The following PAQR5 variants were observed in gnomAD, a reference collection of about 807,000 sequenced individuals.
PAQR5 encodes membrane progestin receptor gamma.
A neutral mutation model predicts 34.5 loss-of-function variants in PAQR5; 20 were observed. The observed-to-expected ratio is 0.58, with a 90% confidence interval of 0.41 to 0.84. PAQR5 has a LOEUF of 0.84. Among genes scored for constraint, PAQR5 ranks in the 40% least tolerant of loss-of-function variants. The pLI is 0.00. For synonymous variants in PAQR5, 131 were observed against 155.6 expected, an observed-to-expected ratio of 0.84 and a Z score of 1.18; for missense variants, 378 against 412.7, an observed-to-expected ratio of 0.92 and a Z score of 0.73.
intron 3 of PAQR5, among the ~76,000 whole-genome samples, chr15:69,361,810 A>G (rs1285437408): frequency 6.6e-6 from 1 of 152,150 alleles, no homozygotes; most frequent in Non-Finnish European, 1.5e-5. Flanking sequence ...GAGCCAAATT[A>G]TATCAGGGAG....
intron 2 of PAQR5, among the ~76,000 whole-genome samples, chr15:69,341,022 A>T (rs2054626508): frequency 6.6e-6 from 1 of 152,244 alleles, no homozygotes; most frequent in South Asian, 2.1e-4. Flanking sequence ...TACGTAACAT[A>T]AAATTTATCA....
chr15:69,380,788 C>A, intron 4 of PAQR5, among the ~76,000 whole-genome samples: 1 of 152,232 alleles, frequency 6.6e-6, no homozygotes, highest in African/African-American at 2.4e-5. Context: ...CAGACCACCA[C>A]TGGTCGATGT....
intron 2 of PAQR5, among the ~76,000 whole-genome samples, chr15:69,344,198 G>GTGAC (rs1190265077): frequency 7.2e-5 from 11 of 152,224 alleles, no homozygotes; most frequent in Non-Finnish European, 1.5e-4. Context: ...CATGGCTGAT[G>GTGAC]TGACGGCTGT....
chr15:69,352,526 T>A lies in PAQR5; in HGVS notation c.-115-7440T>A, dbSNP rs75996919. ...CCTTCTCTCTTCCAGCCTGCACCTA[T>A]GGCCTCATGGGAAATGCCCTATGAT... On this transcript the variant is annotated intron_variant, in intron 2 of 8. Coordinates refer to ENST00000395407, the MANE Select transcript of PAQR5 (RefSeq NM_017705.4). Among the ~76,000 whole-genome samples, 5 of 152,332 alleles carry A rather than the reference T, an allele frequency of 3.3e-5. No homozygotes were observed. The East Asian group carries it at 9.6e-4, about 29-fold the overall frequency.
chr15:69,349,140 G>A (rs2054847863), intron 2 of PAQR5, among the ~76,000 whole-genome samples: 2 of 152,050 alleles, frequency 1.3e-5, no homozygotes, highest in South Asian at 2.1e-4. Flanking sequence ...ATGTGGGTGG[G>A]CACCATCCAA....
At chr15:69,372,546 C>G (rs1327502491) in intron 3 of PAQR5, among the ~76,000 whole-genome samples, 1 of 151,974 alleles carries the variant, frequency 6.6e-6, no homozygotes, top group African/African-American at 2.4e-5. Context: ...CTGTCTCAAA[C>G]AAAACAAAAC....
intron 4 of PAQR5, among the ~76,000 whole-genome samples, chr15:69,380,866 T>C (rs1471464102): frequency 6.6e-6 from 1 of 152,202 alleles, no homozygotes; most frequent in Non-Finnish European, 1.5e-5. Flanking sequence ...GGCTGGTCAC[T>C]GGACTCCCTC....
At chr15:69,359,782 C>T (rs559218306) in intron 2 of PAQR5, among the ~76,000 whole-genome samples, 184 bp from the exon 3 acceptor site, 2 of 152,212 alleles carry the variant, frequency 1.3e-5, no homozygotes, top group East Asian at 3.9e-4. Context: ...TATTAATTAC[C>T]TCCCTCCAGC....
At chr15:69,390,340 A>ATTTTTTTTT (rs1450802023) in intron 6 of PAQR5, among the ~76,000 whole-genome samples, 4 of 99,452 alleles carry the variant, frequency 4.0e-5, no homozygotes, top group Admixed American at 2.3e-4. Context: ...TTATTTATTT[A>ATTTTTTTTT]TTTATTTATT....
chr15:69,322,389 A>G (rs2054118040), intron 1 of PAQR5, among the ~76,000 whole-genome samples: 1 of 149,288 alleles, frequency 6.7e-6, no homozygotes, highest in Admixed American at 6.7e-5. Context: ...TTAGGAGGAT[A>G]AGACAGGAGG....
At chr15:69,320,640 C>T (rs1465326693) in intron 1 of PAQR5, among the ~76,000 whole-genome samples, 1 of 152,052 alleles carries the variant, frequency 6.6e-6, no homozygotes, top group African/African-American at 2.4e-5. Flanking sequence ...CTTTAGAATA[C>T]CAATAAACAT....
At chr15:69,386,322 T>A (rs924200583) in intron 5 of PAQR5, among the ~76,000 whole-genome samples, 1 of 151,536 alleles carries the variant, frequency 6.6e-6, no homozygotes, top group Non-Finnish European at 1.5e-5. Flanking sequence ...CTCACACACA[T>A]ACACACACAC....
At chr15:69,382,800 CCATATATATATATATATATAT>C (rs2055944302) in intron 4 of PAQR5, 3 of 3,918 alleles carry the variant, frequency 7.7e-4, no homozygotes, top group Admixed American at 2.8e-3. Context: ...ATATATATGA[CCATATATATATATATATATAT>C]ATATATATAT....
rs1566997953 is a variant in PAQR5 at position 69,322,766 on chromosome 15, AGAAGAGGGAGAAGAAGAAGAC to A, written c.-276-14572_-276-14552del. ...AAGAAGAAGAAGAAGAAGAAGAAGA[AGAAGAGGGAGAAGAAGAAGAC>A]GAGGAAGAAGAAGAAGAGGAAGAGG... On this transcript the variant is annotated intron_variant, in intron 1 of 8. Coordinates refer to ENST00000395407, the MANE Select transcript of PAQR5 (RefSeq NM_017705.4). Among the ~76,000 whole-genome samples, 145 of 25,824 alleles carry A rather than the reference AGAAGAGGGAGAAGAAGAAGAC, an allele frequency of 5.6e-3. 25 individuals carry two copies. The East Asian group carries it at 0.06, about 11-fold the overall frequency. 16.9% of individuals were successfully genotyped at this position (25,824 alleles called of 152,430 possible). A position where few individuals can be genotyped will look rare whatever the true frequency, so the allele number is the denominator to read the frequency against.
intron 1 of PAQR5, among the ~76,000 whole-genome samples, chr15:69,320,326 C>T (rs181721882): frequency 6.8e-4 from 104 of 152,352 alleles, no homozygotes; most frequent in African/African-American, 2.3e-3. Flanking sequence ...CAGTCACTGA[C>T]GTGGGTCCCC....
intron 1 of PAQR5, among the ~76,000 whole-genome samples, chr15:69,312,860 G>A (rs141068751): frequency 3.9e-5 from 6 of 152,114 alleles, no homozygotes; most frequent in African/African-American, 1.4e-4. Flanking sequence ...TTGGGGGTGG[G>A]GATTTGCCTG....
chr15:69,320,049 G>A (rs1025231846), intron 1 of PAQR5, among the ~76,000 whole-genome samples: 2 of 152,230 alleles, frequency 1.3e-5, no homozygotes, highest in Non-Finnish European at 2.9e-5. Context: ...GCCTTCCCCC[G>A]CAGCCAGAGC....
intron 2 of PAQR5, among the ~76,000 whole-genome samples, chr15:69,345,180 C>G (rs997095990): frequency 6.6e-6 from 1 of 151,792 alleles, no homozygotes; most frequent in Non-Finnish European, 1.5e-5. Context: ...AGAGAAGGAA[C>G]AGTGGAAAAG....
intron 1 of PAQR5, among the ~76,000 whole-genome samples, chr15:69,324,593 G>T (rs1026636949): frequency 1.3e-5 from 2 of 152,154 alleles, no homozygotes; most frequent in African/African-American, 4.8e-5. Context: ...AATTGGAGTG[G>T]CCAGCCTCTG....
Sources: allele counts gnomAD v4.1 joint callset (sites outside exome capture counted in the v4.1 genomes callset), GRCh38; gene constraint gnomAD v4.1.1; transcripts MANE v1.5; gene names NCBI Gene and HGNC (gene_info 2026-07-23, HGNC 2026-07-21).